KIDINS220: variants seen among roughly 807,000 people sequenced by gnomAD.
KIDINS220 encodes the protein kinase D-interacting substrate of 220 kDa.
Under a neutral mutation model 157.6 loss-of-function variants are expected in KIDINS220, and 63 were observed. The observed-to-expected ratio is 0.40, with a 90% confidence interval of 0.33 to 0.49. KIDINS220 has a LOEUF of 0.49. KIDINS220 is among the 20% of genes least tolerant of loss of function. KIDINS220 has a pLI of 0.66. For synonymous variants in KIDINS220, 732 were observed against 783.6 expected (o/e 0.93, Z 1.10); for missense variants, 1,772 against 2,171.2 (o/e 0.82, Z 3.65).
chr2:8,751,424 T>C, intron 23 of KIDINS220, 42 bp downstream of exon 23: 1 of 1,502,366 alleles, frequency 6.7e-7, no homozygotes. Context: ...GAAAAATTCT[T>C]AGAACTTTAG....
At chr2:8,790,734 C>G (rs1056093176) in intron 13 of KIDINS220, among the ~76,000 whole-genome samples, 25 of 152,312 alleles carry the variant, frequency 1.6e-4, no homozygotes, top group Non-Finnish European at 2.9e-4. Context: ...TCTGTTCTTG[C>G]AAGAGCAAAC....
chr2:8,773,800 C>G (rs1022833811), intron 21 of KIDINS220, among the ~76,000 whole-genome samples: 1 of 152,142 alleles, frequency 6.6e-6, no homozygotes, highest in Non-Finnish European at 1.5e-5. Context: ...ATACTTCCCA[C>G]TATTCTCTTT....
chr2:8,817,762 C>T (rs1677295828), intron 3 of KIDINS220, 46 bp from the exon 4 acceptor site: 2 of 1,310,876 alleles, frequency 1.5e-6, no homozygotes, highest in Non-Finnish European at 2.1e-6. Flanking sequence ...CCAAAAATAA[C>T]ACGTCAAAGT....
intron 14 of KIDINS220, among the ~76,000 whole-genome samples, chr2:8,789,248 A>G (rs1672840173): frequency 6.6e-6 from 1 of 151,906 alleles, no homozygotes. Flanking sequence ...AGAGCATACC[A>G]ATGATGGCTT....
At chr2:8,746,909 C>T in intron 26 of KIDINS220, 2 of 459,570 alleles carry the variant, frequency 4.4e-6, no homozygotes, top group Non-Finnish European at 7.7e-6. Context: ...AAAAAAAAAC[C>T]CCATCCCATG....
chr2:8,734,324 T>C (rs1197370130), intron 28 of KIDINS220, among the ~76,000 whole-genome samples: 2 of 152,132 alleles, frequency 1.3e-5, no homozygotes, highest in Non-Finnish European at 2.9e-5. Flanking sequence ...CCTATAAGGA[T>C]GAATGCTGAA....
intron 29 of KIDINS220, 80 bp from the exon 30 acceptor site, chr2:8,732,062 T>C (rs2147947987): frequency 4.8e-6 from 6 of 1,245,052 alleles, no homozygotes; most frequent in Non-Finnish European, 6.5e-6. Context: ...GAAATATATA[T>C]GTACACTAAC....
At chr2:8,737,699 G>T (rs1396475874) in intron 26 of KIDINS220, among the ~76,000 whole-genome samples, 1 of 152,180 alleles carries the variant, frequency 6.6e-6, no homozygotes. Context: ...AACATTTTCG[G>T]AATGTGGATA....
chr2:8,762,714 G>GACAGAGCACTCCT (rs1668926888), intron 22 of KIDINS220, among the ~76,000 whole-genome samples: 1 of 152,014 alleles, frequency 6.6e-6, no homozygotes, highest in Non-Finnish European at 1.5e-5. Flanking sequence ...ACTCCAGGCT[G>GACAGAGCACTCCT]GGCGACAGAG....
rs1489044540 is a variant in KIDINS220, at chr2:8,731,806, A to C, written c.4230T>G (p.Ser1410=). Reference sequence around the variant, plus strand: ...CCATGTAATATGTGCTATGTGGAGAAGATCTGCCACTAATGGTTGTAGACC... The same window carrying C: ...CCATGTAATATGTGCTATGTGGAGACGATCTGCCACTAATGGTTGTAGACC... The part of the protein sequence containing the change: ...GPGSTTISGR[S]SPHSTYYMGQ... Residue 1410 remains serine, a synonymous_variant, in exon 30 of 30, where the codon TCT becomes TCG. Coordinates refer to ENST00000256707, the MANE Select transcript of KIDINS220 (RefSeq NM_020738.4). This position sits in a 1 kb window ranked among gnomAD's most constrained non-coding sequence, Gnocchi z 5.2. The C allele has an allele frequency of 1.9e-6, 3 of 1,614,060 alleles. No individual in the cohort carries two copies. Among genetic ancestry groups the C allele is most frequent in the Non-Finnish European group, 2.5e-6 (3 of 1,180,040 alleles).
intron 22 of KIDINS220, among the ~76,000 whole-genome samples, chr2:8,766,255 A>G (rs1486951257): frequency 6.6e-6 from 1 of 152,076 alleles, no homozygotes; most frequent in Non-Finnish European, 1.5e-5. Flanking sequence ...TTCCTTCAAC[A>G]TTGATTCCAG....
In KIDINS220 at chr2:8,776,101, T is replaced by C. The variant is rs145087059; in HGVS notation, c.2848+647A>G. Among the ~76,000 whole-genome samples, 46 of 152,346 alleles carry C rather than the reference T, an allele frequency of 3.0e-4. No homozygotes were observed. The East Asian group carries it at 5.0e-3, about 17-fold the overall frequency. ...TTAAGTACCAAAAATATTGTAAGTA[T>C]ATTAGATACAACCTCACTTGGAATA... On this transcript the variant is annotated intron_variant, in intron 21 of 29. Transcript: ENST00000256707.
chr2:8,741,269 T>TA (rs1185312510), intron 26 of KIDINS220, among the ~76,000 whole-genome samples: 2 of 152,166 alleles, frequency 1.3e-5, no homozygotes, highest in South Asian at 2.1e-4. Context: ...AGCAATCTTT[T>TA]AAAAAACACA....
intron 26 of KIDINS220, among the ~76,000 whole-genome samples, chr2:8,738,064 A>AT (rs1324913327): frequency 6.6e-6 from 1 of 152,212 alleles, no homozygotes; most frequent in African/African-American, 2.4e-5. Flanking sequence ...AATTGTTTAC[A>AT]TTTTTTGTTG....
chr2:8,761,341 A>G (rs1668724951), intron 22 of KIDINS220, among the ~76,000 whole-genome samples: 1 of 152,208 alleles, frequency 6.6e-6, no homozygotes, highest in Non-Finnish European at 1.5e-5. Flanking sequence ...TTTATTATGC[A>G]AGTTCTCTTA....
chr2:8,765,691 C>A lies in KIDINS220; in HGVS notation c.3011+4979G>T, dbSNP rs138129528. Among the ~76,000 whole-genome samples the A allele has an allele frequency of 8.6e-3, 1,310 of 152,184 alleles. 8 individuals are homozygous for A. Among genetic ancestry groups the A allele is most frequent in the Non-Finnish European group, 0.014 (939 of 67,992 alleles). ...ATGCCACAATGTGCTATTTCTATAACCCAACTTTTATTATCTTTAAAAGAC... is the reference window on the plus strand; with the variant it reads ...ATGCCACAATGTGCTATTTCTATAAACCAACTTTTATTATCTTTAAAAGAC... On this transcript the variant is annotated intron_variant, in intron 22 of 29. Coordinates refer to ENST00000256707, the MANE Select transcript of KIDINS220 (RefSeq NM_020738.4).
intron 1 of KIDINS220, among the ~76,000 whole-genome samples, chr2:8,829,696 C>T (rs1451484255): frequency 4.0e-5 from 6 of 151,878 alleles, no homozygotes; most frequent in Non-Finnish European, 8.8e-5. Context: ...TTTTTAAATA[C>T]TGGAAATAAA....
chr2:8,798,143 T>C (rs1415174401), intron 10 of KIDINS220, 59 bp downstream of exon 10: 1 of 943,056 alleles, frequency 1.1e-6, no homozygotes, highest in African/African-American at 1.6e-5. Context: ...TGAAATAAAA[T>C]GAGCAGTACT....
At chr2:8,773,490 T>A (rs75333957) in intron 21 of KIDINS220, among the ~76,000 whole-genome samples, 6 of 151,452 alleles carry the variant, frequency 4.0e-5, no homozygotes, top group African/African-American at 1.5e-4. Flanking sequence ...TTTTTTTTTT[T>A]AAGATGGAGT....
Sources: allele counts gnomAD v4.1 joint callset (sites outside exome capture counted in the v4.1 genomes callset), GRCh38; gene constraint gnomAD v4.1.1; non-coding constraint Gnocchi (gnomAD v3.1); transcripts MANE v1.5; gene names NCBI Gene and HGNC (gene_info 2026-07-23, HGNC 2026-07-21).